The following TUSC3 variants were observed in gnomAD, a reference collection of about 807,000 sequenced individuals.
The protein encoded by TUSC3 is dolichyl-diphosphooligosaccharide--protein glycosyltransferase subunit TUSC3.
In TUSC3, 45 loss-of-function variants were observed where a neutral mutation model predicts 44.8. That is an observed-to-expected ratio of 1.00 (90% CI 0.79 to 1.29). TUSC3 has a LOEUF of 1.29. Among genes scored for constraint, TUSC3 ranks in the 50% most tolerant of loss-of-function variants. The pLI, the probability that TUSC3 is intolerant of heterozygous loss-of-function variation, is 0.00. For synonymous variants in TUSC3, 212 were observed against 152.9 expected, an observed-to-expected ratio of 1.39 and a Z score of -2.85; for missense variants, 519 against 437.9, an observed-to-expected ratio of 1.19 and a Z score of -1.65.
At chr8:15,433,107 A>G (rs1799893332) in intron 1 of TUSC3, among the ~76,000 whole-genome samples, 1 of 152,148 alleles carries the variant, frequency 6.6e-6, no homozygotes, top group Non-Finnish European at 1.5e-5. Flanking sequence ...CTGTCCCTGC[A>G]TTTGCTAGTC....
At chr8:15,477,957 A>G (rs1009413038) in intron 1 of TUSC3, among the ~76,000 whole-genome samples, 9 of 152,056 alleles carry the variant, frequency 5.9e-5, no homozygotes, top group African/African-American at 2.2e-4. Context: ...ATTTAATTTA[A>G]TTAAGTAATT....
At chr8:15,479,277 C>G (rs1800626427) in intron 1 of TUSC3, among the ~76,000 whole-genome samples, 1 of 152,074 alleles carries the variant, frequency 6.6e-6, no homozygotes, top group Admixed American at 6.6e-5. Flanking sequence ...TGAAGAAGCT[C>G]TCTAGTTTAA....
chr8:15,679,429 T>C (rs956810116), intron 6 of TUSC3, among the ~76,000 whole-genome samples: 1 of 152,160 alleles, frequency 6.6e-6, no homozygotes, highest in Non-Finnish European at 1.5e-5. Context: ...TTCATATCCT[T>C]TGCCCACTTT....
At chr8:15,423,447 G>C (rs1172444563) in intron 1 of TUSC3, among the ~76,000 whole-genome samples, 1 of 152,164 alleles carries the variant, frequency 6.6e-6, no homozygotes, top group Non-Finnish European at 1.5e-5. Context: ...CGTAAGTTCA[G>C]CCTCTTTGGG....
intron 1 of TUSC3, among the ~76,000 whole-genome samples, chr8:15,480,092 A>G (rs777579899): frequency 1.2e-4 from 18 of 152,208 alleles, no homozygotes; most frequent in Non-Finnish European, 2.4e-4. Context: ...ACAGCTAACA[A>G]GGAAAGTGAA....
At chr8:15,492,447 G>A (rs942043057) in intron 2 of TUSC3, among the ~76,000 whole-genome samples, 1 of 152,090 alleles carries the variant, frequency 6.6e-6, no homozygotes, top group Admixed American at 6.5e-5. Flanking sequence ...GTCAGTAGGG[G>A]GAAAGTCACA....
At chr8:15,663,303 A>G (rs1807509388) in intron 5 of TUSC3, among the ~76,000 whole-genome samples, 1 of 112,088 alleles carries the variant, frequency 8.9e-6, no homozygotes, top group Admixed American at 9.5e-5. Context: ...TCTGTAATAT[A>G]ATAAAAATGT....
At chr8:15,554,472 C>T (rs939118086) in intron 1 of TUSC3, among the ~76,000 whole-genome samples, 1 of 151,498 alleles carries the variant, frequency 6.6e-6, no homozygotes, top group Admixed American at 6.6e-5. Context: ...GCCTCCCTGA[C>T]AACTCACAAT....
chr8:15,677,362 C>T (rs1341579510), intron 6 of TUSC3, among the ~76,000 whole-genome samples: 3 of 152,124 alleles, frequency 2.0e-5, no homozygotes, highest in African/African-American at 7.2e-5. Flanking sequence ...ATTTTATATG[C>T]TTACAAAGAG....
At chr8:15,657,768 G>A (rs1212776878) in intron 3 of TUSC3, among the ~76,000 whole-genome samples, 2 of 152,162 alleles carry the variant, frequency 1.3e-5, no homozygotes. Context: ...AGCACCCAGT[G>A]CCTCTGAGAC....
intron 1 of TUSC3, among the ~76,000 whole-genome samples, chr8:15,455,293 G>A (rs1800239825): frequency 1.3e-5 from 2 of 152,214 alleles, no homozygotes; most frequent in African/African-American, 4.8e-5. Flanking sequence ...GTTTCGGGAG[G>A]CAAGAGAAAA....
At position 15,674,494 on chromosome 8, in the gene TUSC3, T is replaced by A. The variant is rs974118109; in HGVS notation, c.798+658T>A. ...TTTTTTCTCTAACCTTTTCTGCTTT[T>A]TCTTTTGGAAAAGATACGTATTTTG... On this transcript the variant is annotated intron_variant, in intron 6 of 10. Coordinates refer to ENST00000503731, the MANE Select transcript of TUSC3 (RefSeq NM_006765.4). 8.5e-5 allele frequency among the ~76,000 whole-genome samples: 13 copies of A among 152,140 alleles called. No homozygotes were observed. In the South Asian group the frequency reaches 2.5e-3, roughly 29 times the overall value.
chr8:15,526,074 C>T (rs1801369402), intron 2 of TUSC3, among the ~76,000 whole-genome samples: 1 of 151,928 alleles, frequency 6.6e-6, no homozygotes, highest in Admixed American at 6.6e-5. Flanking sequence ...CCTTTGTCGT[C>T]CAGGCTGGAG....
intron 1 of TUSC3, among the ~76,000 whole-genome samples, chr8:15,436,593 A>AT (rs1351376124): frequency 5.9e-5 from 9 of 152,308 alleles, no homozygotes; most frequent in South Asian, 2.1e-4. Context: ...ACAGAGCATG[A>AT]TTTTTTATGT....
intron 1 of TUSC3, chr8:15,561,751 T>TGG (rs1802473716): frequency 6.8e-6 from 1 of 148,054 alleles, no homozygotes. Context: ...TATTCGGGTA[T>TGG]GAGTGACCCG....
intron 5 of TUSC3, among the ~76,000 whole-genome samples, chr8:15,671,251 C>T (rs1252327003): frequency 2.0e-5 from 3 of 151,920 alleles, no homozygotes; most frequent in African/African-American, 4.8e-5. Flanking sequence ...TCCTGTCTTT[C>T]TGTTAGTGTG....
intron 1 of TUSC3, among the ~76,000 whole-genome samples, chr8:15,576,201 G>A (rs1208664236): frequency 2.1e-5 from 3 of 146,330 alleles, no homozygotes; most frequent in Admixed American, 2.0e-4. Context: ...TTCACTAGTT[G>A]ATGAACTGGT....
intron 1 of TUSC3, among the ~76,000 whole-genome samples, chr8:15,617,613 A>G (rs1393649262): frequency 3.3e-5 from 5 of 152,222 alleles, no homozygotes; most frequent in African/African-American, 9.6e-5. Flanking sequence ...CATTAAGTAC[A>G]GAAGTGGTAA....
chr8:15,623,954 T>C (rs756151722), intron 2 of TUSC3, among the ~76,000 whole-genome samples: 2 of 152,114 alleles, frequency 1.3e-5, no homozygotes, highest in Non-Finnish European at 2.9e-5. Flanking sequence ...TCACCCGCAC[T>C]CTCCATTGTA....
Sources: allele counts gnomAD v4.1 joint callset (sites outside exome capture counted in the v4.1 genomes callset), GRCh38; gene constraint gnomAD v4.1.1; transcripts MANE v1.5; gene names NCBI Gene and HGNC (gene_info 2026-07-23, HGNC 2026-07-21).